The following TMEM120A variants were observed in gnomAD, a reference collection of about 807,000 sequenced individuals.
TMEM120A encodes the protein ion channel TACAN.
Under a neutral mutation model 54.3 loss-of-function variants are expected in TMEM120A, and 45 were observed. The observed-to-expected ratio is 0.83, with a 90% confidence interval of 0.65 to 1.06. The LOEUF (loss-of-function observed/expected upper bound fraction) is 1.06, where lower values mean the gene tolerates loss of function less well. TMEM120A is among the 50% of genes least tolerant of loss of function. The pLI is 0.00. For missense variants in TMEM120A, 424 were observed against 441.7 expected (o/e 0.96, Z 0.36); for synonymous variants, 204 against 178.5 (o/e 1.14, Z -1.14).
chr7:75,993,413 C>G (rs1341256706), intron 1 of TMEM120A, among the ~76,000 whole-genome samples: 1 of 152,236 alleles, frequency 6.6e-6, no homozygotes, highest in Non-Finnish European at 1.5e-5. Flanking sequence ...AAGGATTCCC[C>G]AAGCACTTTG....
chr7:75,988,451 G>C lies in TMEM120A; in HGVS notation c.443C>G (p.Ser148Cys), dbSNP rs1364081163. ...LYLTIILILI[S>C]FTCRFLLNSR... ...GTTGAGCAGGAAGCGGCAAGTGAAGGAGATGAGGATGAGGATGATGGTGAG... is the reference window on the plus strand; with the variant it reads ...GTTGAGCAGGAAGCGGCAAGTGAAGCAGATGAGGATGAGGATGATGGTGAG... The change falls in exon 5 of 12, where the codon TCC (serine) becomes TGC (cysteine). Residue 148 changes from serine to cysteine, a missense_variant. Ser to Cys is a moderately radical substitution (Grantham distance 112). Coordinates refer to ENST00000493111, the MANE Select transcript of TMEM120A (RefSeq NM_031925.3). The C allele has an allele frequency of 1.1e-5, 17 of 1,611,026 alleles. No individual in the cohort carries two copies. The highest frequency in any genetic ancestry group is 1.4e-5 in the Non-Finnish European group (17 of 1,179,564).
Position 75,988,404 on chromosome 7 carries a change from C to T in TMEM120A, c.473+17G>A, listed in dbSNP as rs375397348. ...ACTGGGGATGGGGTGGGTCCTCGGC[C>T]GGGGTGGGACGCCCACCTGGAGTTG... On this transcript the variant is annotated intron_variant, in intron 5 of 11. Transcript: ENST00000493111. 1.9e-5 allele frequency: 13 copies of T among 690,974 alleles called. No individual in the cohort carries two copies. Among genetic ancestry groups the T allele is most frequent in the South Asian group, 5.4e-5 (4 of 73,942 alleles). 42.8% of individuals were successfully genotyped at this position (690,974 alleles called of 1,614,324 possible).
chr7:75,988,116 A>G lies in TMEM120A; in HGVS notation c.596T>C (p.Val199Ala). The G allele has an allele frequency of 1.2e-6, 2 of 1,610,082 alleles. No homozygotes were observed. Among genetic ancestry groups the G allele is most frequent in the Non-Finnish European group, 1.7e-6 (2 of 1,178,742 alleles). The change falls in exon 7 of 12, where the codon GTG (valine) becomes GCG (alanine). Residue 199 changes from valine (V) to alanine (A), a missense_variant. Physicochemically the swap from Val to Ala is moderately conservative, Grantham distance 64. Coordinates refer to ENST00000493111, the MANE Select transcript of TMEM120A (RefSeq NM_031925.3). ...IKGWWVFHHYVSTFLSGVMLT... is the reference protein window; with the variant it reads ...IKGWWVFHHYASTFLSGVMLT... Reference sequence around the variant, plus strand: ...CATGACTCCCGACAGGAAGGTGGACACGTAGTGATGGAACACCCACCAGCC... The same window carrying G: ...CATGACTCCCGACAGGAAGGTGGACGCGTAGTGATGGAACACCCACCAGCC...
chr7:75,989,259 G>T (rs782746606), intron 3 of TMEM120A, 35 bp from the exon 4 acceptor site: 1 of 1,428,106 alleles, frequency 7.0e-7, no homozygotes, highest in Non-Finnish European at 9.7e-7. Context: ...GGAGAAGCCC[G>T]AGTGACAGAC....
chr7:75,987,533 C>T lies in TMEM120A; in HGVS notation c.849+5G>A, dbSNP rs1789574719. On this transcript the variant is annotated splice_donor_5th_base_variant and intron_variant, in intron 10 of 11. Transcript: ENST00000493111. Reference sequence around the variant, plus strand: ...GACAGGCAGGGACACAGAGGCACGACTTACGTGTCCAAAGAAAAGAAAAGG... The same window carrying T: ...GACAGGCAGGGACACAGAGGCACGATTTACGTGTCCAAAGAAAAGAAAAGG... 1 of 1,588,366 alleles carries T rather than the reference C, an allele frequency of 6.3e-7. No individual in the cohort carries two copies. The highest frequency in any genetic ancestry group is 2.3e-5 in the East Asian group (1 of 43,312).
chr7:75,986,831 T>A lies in TMEM120A; in HGVS notation c.*341A>T. On this transcript the variant is annotated 3_prime_UTR_variant, in exon 12 of 12. Coordinates refer to ENST00000493111, the MANE Select transcript of TMEM120A (RefSeq NM_031925.3). ...AATAATTTTAAATAACCTCTGGCCCTTGGAATAAAGTTCTGTTTTCTGTAT... is the reference window on the plus strand; with the variant it reads ...AATAATTTTAAATAACCTCTGGCCCATGGAATAAAGTTCTGTTTTCTGTAT... The A allele has an allele frequency of 1.7e-6, 1 of 573,118 alleles. No homozygotes were observed. Among genetic ancestry groups the A allele is most frequent in the Non-Finnish European group, 3.1e-6 (1 of 325,718 alleles). 35.5% of individuals were successfully genotyped at this position (573,118 alleles called of 1,614,324 possible).
intron 4 of TMEM120A, 128 bp downstream of exon 4, chr7:75,989,037 G>T (rs1342690907): frequency 6.4e-6 from 2 of 312,538 alleles, no homozygotes; most frequent in African/African-American, 5.0e-5. Context: ...GGCCGGGTTG[G>T]GGGGTGGAGG....
intron 1 of TMEM120A, among the ~76,000 whole-genome samples, chr7:75,993,156 ACT>A (rs1176035329): frequency 2.0e-5 from 3 of 151,544 alleles, no homozygotes; most frequent in Middle Eastern, 6.4e-3. Context: ...ACAAGGACAG[ACT>A]CTTTCTCCTA....
chr7:75,992,802 TTTTG>T lies in TMEM120A; in HGVS notation c.82-249_82-246del, dbSNP rs1339415573. 2.0e-5 allele frequency among the ~76,000 whole-genome samples: 3 copies of T among 151,916 alleles called. No homozygotes were observed. In the East Asian group the frequency reaches 5.8e-4, roughly 30 times the overall value. ...CCTCCTCCAAAAACAGACTAGGTGT[TTTTG>T]TTTTTGTTTTTGTTTTGAGACAGTC... On this transcript the variant is annotated intron_variant, in intron 1 of 11. Transcript: ENST00000493111.
intron 1 of TMEM120A, 114 bp from the exon 2 acceptor site, chr7:75,992,671 G>C: frequency 2.8e-6 from 2 of 719,918 alleles, no homozygotes; most frequent in Non-Finnish European, 4.6e-6. Flanking sequence ...TTCGCTCAGC[G>C]GGAAAGGAGG....
Position 75,989,234 on chromosome 7 carries a change from G to C in TMEM120A, c.318-10C>G, listed in dbSNP as rs901873417. ...CAGGCTCAGGTACAATCTAGGGAAG[G>C]GGGTGGCGGGGTGAGGAGAAGCCCG... is the stretch of plus-strand genomic sequence containing the variant. On this transcript the variant is annotated splice_polypyrimidine_tract_variant and intron_variant, in intron 3 of 11. Coordinates refer to ENST00000493111, the MANE Select transcript of TMEM120A (RefSeq NM_031925.3). 2.0e-5 allele frequency: 31 copies of C among 1,550,158 alleles called. No homozygotes were observed. The African/African-American group carries it at 2.1e-4, about 10-fold the overall frequency.
chr7:75,991,863 A>T (rs1409314461), intron 3 of TMEM120A, among the ~76,000 whole-genome samples: 1 of 151,840 alleles, frequency 6.6e-6, no homozygotes, highest in Admixed American at 6.6e-5. Flanking sequence ...ATTCTGTAAG[A>T]CTCAGCCCAC....
Position 75,994,516 on chromosome 7 carries a change from G to A in TMEM120A, c.55C>T (p.Leu19=). ...TGGATGTTCTGGAAGTCCTGCTGTA[G>A]ATCCTCCCAGTCCCGCAGGCAGTCG... ...LGDCLRDWED[L]QQDFQNIQET... The change falls in exon 1 of 12, where the codon CTA becomes TTA. Residue 19 remains leucine, a synonymous_variant. Transcript: ENST00000493111. 1.3e-6 allele frequency: 2 copies of A among 1,567,870 alleles called. No homozygotes were observed. Among genetic ancestry groups the A allele is most frequent in the Non-Finnish European group, 1.7e-6 (2 of 1,157,586 alleles).
At chr7:75,989,102 A>AGGGGGGGAGGGGGG in intron 4 of TMEM120A, 63 bp downstream of exon 4, 1 of 345,230 alleles carries the variant, frequency 2.9e-6, no homozygotes, top group Non-Finnish European at 5.1e-6. Context: ...TGAGGGGGGG[A>AGGGGGGGAGGGGGG]GGGGGGTAGG....
chr7:75,992,849 C>A (rs1472586963), intron 1 of TMEM120A, among the ~76,000 whole-genome samples: 2 of 152,200 alleles, frequency 1.3e-5, no homozygotes, highest in Non-Finnish European at 2.9e-5. Context: ...GTTGCCCAGG[C>A]TGAAGTGCAA....
intron 3 of TMEM120A, among the ~76,000 whole-genome samples, chr7:75,990,057 A>G (rs1789775936): frequency 6.6e-6 from 1 of 152,124 alleles, no homozygotes; most frequent in Non-Finnish European, 1.5e-5. Context: ...CAAGGCCACA[A>G]AGAACTTCTG....
intron 3 of TMEM120A, among the ~76,000 whole-genome samples, chr7:75,989,747 C>A (rs1206948628): frequency 6.6e-6 from 1 of 152,102 alleles, no homozygotes; most frequent in Non-Finnish European, 1.5e-5. Flanking sequence ...CGGGGCGTTT[C>A]TTCCCACCAC....
At chr7:75,992,412 A>T (rs937012205) in intron 2 of TMEM120A, 27 bp downstream of exon 2, 10 of 1,580,558 alleles carry the variant, frequency 6.3e-6, no homozygotes, top group Non-Finnish European at 8.6e-6. Context: ...CACTCTGCCC[A>T]TGGCGGGTGG....
chr7:75,989,611 C>T (rs1251031234), intron 3 of TMEM120A, among the ~76,000 whole-genome samples: 1 of 151,976 alleles, frequency 6.6e-6, no homozygotes, highest in Admixed American at 6.5e-5. Context: ...CACCTCCCCT[C>T]CAGAACCTGC....
Sources: allele counts gnomAD v4.1 joint callset (sites outside exome capture counted in the v4.1 genomes callset), GRCh38; gene constraint gnomAD v4.1.1; transcripts MANE v1.5; gene names NCBI Gene and HGNC (gene_info 2026-07-23, HGNC 2026-07-21).